ERCC6L2: variants seen among roughly 807,000 people sequenced by gnomAD.
ERCC6L2 encodes ERCC excision repair 6 like 2, also known as DNA excision repair protein ERCC-6-like 2.
ERCC6L2 carries 77 observed loss-of-function variants against 132.0 expected under a neutral mutation model. The ratio of observed to expected loss-of-function variants is 0.58; its 90% CI spans 0.49 to 0.71. The LOEUF (loss-of-function observed/expected upper bound fraction) is 0.71. Ranked by LOEUF, ERCC6L2 falls within the 30% of genes least tolerant of loss-of-function variation. ERCC6L2 has a pLI of 0.00. For synonymous variants in ERCC6L2, 583 were observed against 632.4 expected, an observed-to-expected ratio of 0.92 and a Z score of 1.17; for missense variants, 1,542 against 1,837.6, an observed-to-expected ratio of 0.84 and a Z score of 2.94.
At chr9:95,890,015 G>GT (rs1437640085) in intron 2 of ERCC6L2, among the ~76,000 whole-genome samples, 1 of 152,052 alleles carries the variant, frequency 6.6e-6, no homozygotes, top group African/African-American at 2.4e-5. Context: ...TTTAGTAACT[G>GT]TTTATTTTCT....
In ERCC6L2 at chr9:95,972,680, A is replaced by G. The variant is rs748521216; in HGVS notation, c.2929A>G (p.Ser977Gly). ...ATCTATTTTGAAAAGAAAAGGCACC[A>G]GTGATATCAGTGATGAATCTGATGA... ...LKSILKRKGT[S>G]DISDESDDIE... is the part of the protein sequence containing the mutation. Residue 977 changes from serine to glycine, a missense_variant, in exon 16 of 19, where the codon AGT becomes GGT. Physicochemically the swap from Ser to Gly is moderately conservative, Grantham distance 56 (BLOSUM62 0). This residue lies in a region of ERCC6L2 where 945 missense variants were observed against 1,105.2 expected (regional missense o/e 0.86). Transcript: ENST00000653738. 7.7e-7 allele frequency: 1 copy of G among 1,299,950 alleles called. No individual in the cohort carries two copies. Among genetic ancestry groups the G allele is most frequent in the South Asian group, 1.2e-5 (1 of 80,976 alleles). 80.5% of individuals were successfully genotyped at this position (1,299,950 alleles called of 1,614,324 possible).
chr9:95,995,166 A>G (rs1255224924), intron 17 of ERCC6L2, among the ~76,000 whole-genome samples: 1 of 152,196 alleles, frequency 6.6e-6, no homozygotes, highest in African/African-American at 2.4e-5. Context: ...TGCAAAGTTA[A>G]GAGTTGATTT....
intron 3 of ERCC6L2, among the ~76,000 whole-genome samples, chr9:95,904,593 T>C (rs1020395168): frequency 1.3e-5 from 2 of 152,174 alleles, no homozygotes; most frequent in Non-Finnish European, 2.9e-5. Context: ...AGTTTCCTCA[T>C]CTGTGTTTCT....
chr9:95,919,202 A>T (rs1829745316), intron 6 of ERCC6L2, among the ~76,000 whole-genome samples: 1 of 152,096 alleles, frequency 6.6e-6, no homozygotes, highest in Non-Finnish European at 1.5e-5. Context: ...TAAACATGGC[A>T]TTTAGGGAAA....
chr9:95,936,945 A>T (rs759054226), intron 11 of ERCC6L2, among the ~76,000 whole-genome samples: 10 of 152,126 alleles, frequency 6.6e-5, no homozygotes, highest in Non-Finnish European at 1.5e-4. Flanking sequence ...CAGTTGTTGT[A>T]TGTATCAATG....
chr9:95,987,526 T>C lies in ERCC6L2; in HGVS notation c.3492+9311T>C, dbSNP rs111436857. Among the ~76,000 whole-genome samples, 967 of 152,326 alleles carry C rather than the reference T, an allele frequency of 6.3e-3. 14 individuals are homozygous for C. Among genetic ancestry groups the C allele is most frequent in the African/African-American group, 0.022 (935 of 41,578 alleles). Reference sequence around the variant, plus strand: ...TCCAAAATGATCTCCTTGGACTTCATGTCCCAACATCCAGGTCAAACTGAT... The same window carrying C: ...TCCAAAATGATCTCCTTGGACTTCACGTCCCAACATCCAGGTCAAACTGAT... On this transcript the variant is annotated intron_variant, in intron 17 of 18. Coordinates refer to ENST00000653738, the MANE Select transcript of ERCC6L2 (RefSeq NM_020207.7).
chr9:96,036,205 C>T (rs532891369), intron 19 of ERCC6L2, among the ~76,000 whole-genome samples: 3 of 152,172 alleles, frequency 2.0e-5, no homozygotes, highest in East Asian at 1.9e-4. Context: ...CCCCATTTCC[C>T]GCCCCCAGCC....
chr9:96,022,210 G>A (rs1046501916), downstream of ERCC6L2, among the ~76,000 whole-genome samples: 1 of 152,214 alleles, frequency 6.6e-6, no homozygotes, highest in African/African-American at 2.4e-5. Context: ...CGGGTTCCGA[G>A]GCTCTGGCCT....
chr9:96,005,354 T>A (rs926163365), intron 18 of ERCC6L2, among the ~76,000 whole-genome samples: 3 of 151,578 alleles, frequency 2.0e-5, no homozygotes, highest in Admixed American at 2.0e-4. Flanking sequence ...TACAGAGGAA[T>A]GGGTTTGGCA....
At chr9:95,887,735 T>C (rs1353845973) in intron 2 of ERCC6L2, among the ~76,000 whole-genome samples, 2 of 152,230 alleles carry the variant, frequency 1.3e-5, no homozygotes, top group African/African-American at 2.4e-5. Flanking sequence ...TTATTTTCAG[T>C]ACCTTTTTTG....
chr9:96,009,649 A>G (rs901917642), intron 18 of ERCC6L2, among the ~76,000 whole-genome samples: 6 of 152,228 alleles, frequency 3.9e-5, no homozygotes, highest in Admixed American at 1.3e-4. Context: ...TTTCTTCACA[A>G]ACTGGCTGGC....
downstream of ERCC6L2, chr9:96,021,023 G>T: frequency 2.2e-6 from 1 of 455,366 alleles, no homozygotes; most frequent in Non-Finnish European, 4.4e-6. This position sits in a 1 kb window ranked among gnomAD's most constrained non-coding sequence, Gnocchi z 4.7. Flanking sequence ...AGTGTCGGGG[G>T]CTCGCAGCGC....
At chr9:95,919,029 C>T (rs1487532646) in intron 6 of ERCC6L2, among the ~76,000 whole-genome samples, 4 of 152,084 alleles carry the variant, frequency 2.6e-5, no homozygotes, top group South Asian at 2.1e-4. Context: ...CCACCATGCC[C>T]GGTTAATTTT....
At chr9:95,959,694 A>G (rs1213352692) in intron 13 of ERCC6L2, among the ~76,000 whole-genome samples, 1 of 151,978 alleles carries the variant, frequency 6.6e-6, no homozygotes, top group Non-Finnish European at 1.5e-5. Context: ...GAAAAAAACA[A>G]CCCCATCAAA....
Position 95,915,733 on chromosome 9 carries a change from CAG to C in ERCC6L2, c.856_857del (p.Glu286SerfsTer8). The stretch of plus-strand genomic sequence containing the variant: ...ATCAAGAATCCAAAAGCTAGAGTAA[CAG>C]AAGTTATGAAAGCTTTGAAATGTAA... On this transcript the variant is annotated frameshift_variant, in exon 5 of 19. Coordinates refer to ENST00000653738, the MANE Select transcript of ERCC6L2 (RefSeq NM_020207.7). LOFTEE classifies it high-confidence loss of function. 1 of 1,613,904 alleles carries C rather than the reference CAG, an allele frequency of 6.2e-7. No homozygotes were observed. Among genetic ancestry groups the C allele is most frequent in the South Asian group, 1.1e-5 (1 of 91,044 alleles).
At chr9:95,966,484 A>G (rs1381295571) in intron 13 of ERCC6L2, 78 bp from the exon 14 acceptor site, 28 of 1,312,782 alleles carry the variant, frequency 2.1e-5, no homozygotes, top group Non-Finnish European at 2.5e-5. Context: ...AGCTGTGTAT[A>G]TACAGGGAAT....
chr9:95,948,146 A>G (rs559795931), intron 12 of ERCC6L2, among the ~76,000 whole-genome samples: 132 of 152,340 alleles, frequency 8.7e-4, no homozygotes, highest in African/African-American at 3.1e-3. Flanking sequence ...GAAAGGATTC[A>G]CTATTCTAGA....
intron 3 of ERCC6L2, among the ~76,000 whole-genome samples, chr9:95,905,871 A>AT (rs1380431180): frequency 2.0e-5 from 3 of 152,186 alleles, no homozygotes; most frequent in Non-Finnish European, 4.4e-5. Flanking sequence ...GTTAAACTGA[A>AT]TTTTTTCAGT....
At position 96,012,544 on chromosome 9, in the gene ERCC6L2, TATAAA is replaced by T. The variant is rs1156995660; in HGVS notation, c.3996_4000del (p.Tyr1332Ter). On this transcript the variant is annotated frameshift_variant, in exon 19 of 19. Transcript: ENST00000653738. LOFTEE classifies it low-confidence loss of function (END_TRUNC). ...TTCTCAAGTTTGCAGCCTAAAAACATATAAAAGAAAATCAGTTAAGTTTCAGAATC... is the reference window on the plus strand; with the variant it reads ...TTCTCAAGTTTGCAGCCTAAAAACATAGAAAATCAGTTAAGTTTCAGAATC... 1 of 1,367,266 alleles carries T rather than the reference TATAAA, an allele frequency of 7.3e-7. No homozygotes were observed. The allele number at this position is 1,367,266 out of a possible 1,614,324, so 84.7% of individuals were successfully genotyped here.
Sources: allele counts gnomAD v4.1 joint callset (sites outside exome capture counted in the v4.1 genomes callset), GRCh38; gene constraint gnomAD v4.1.1; regional missense constraint gnomAD v4.1.1; non-coding constraint Gnocchi (gnomAD v3.1); transcripts MANE v1.5; gene names NCBI Gene and HGNC (gene_info 2026-07-23, HGNC 2026-07-21).